Variants in TLE6 observed in about 807,000 individuals in gnomAD.
TLE6 encodes the protein transducin-like enhancer protein 6.
TLE6 carries 72 observed loss-of-function variants against 77.1 expected under a neutral mutation model. That is an observed-to-expected ratio of 0.93 (90% CI 0.77 to 1.14). The LOEUF (loss-of-function observed/expected upper bound fraction) is 1.14, where lower values mean the gene tolerates loss of function less well. Ranked by LOEUF, TLE6 falls within the 50% of genes most tolerant of loss-of-function variation. The pLI is 0.00. For missense variants in TLE6, 843 were observed against 747.6 expected (o/e 1.13, Z -1.49); for synonymous variants, 366 against 287.3 (o/e 1.27, Z -2.77).
intron 3 of TLE6, among the ~76,000 whole-genome samples, chr19:2,981,311 C>T (rs1007997570): frequency 3.4e-5 from 5 of 148,496 alleles, no homozygotes; most frequent in Non-Finnish European, 7.4e-5. Flanking sequence ...AGTGACACTG[C>T]ACTCCAGCCT....
intron 16 of TLE6, among the ~76,000 whole-genome samples, chr19:2,994,445 C>T (rs996910001): frequency 6.6e-6 from 1 of 151,944 alleles, no homozygotes; most frequent in African/African-American, 2.4e-5. Context: ...CCTGTCTCTA[C>T]TAAAAATACA....
chr19:2,982,943 G>A lies in TLE6; in HGVS notation c.222+754G>A, dbSNP rs146040958. ...GGGGCCATATGACATGGGAGTGAGG[G>A]GAGCTCTGCATGGGAGGGGGCGCCC... On this transcript the variant is annotated intron_variant, in intron 5 of 16. Coordinates refer to ENST00000246112, the MANE Select transcript of TLE6 (RefSeq NM_001143986.2). Among the ~76,000 whole-genome samples, 4 of 152,222 alleles carry A rather than the reference G, an allele frequency of 2.6e-5. No homozygotes were observed. The East Asian group carries it at 7.7e-4, about 29-fold the overall frequency.
intron 16 of TLE6, 75 bp from the exon 17 acceptor site, chr19:2,994,825 A>T: frequency 1.2e-6 from 1 of 813,200 alleles, no homozygotes; most frequent in Non-Finnish European, 2.0e-6. Flanking sequence ...ACGATGCTTC[A>T]TGCTTGAGCT....
intron 14 of TLE6, among the ~76,000 whole-genome samples, 170 bp downstream of exon 14, chr19:2,992,154 A>G (rs1248331579): frequency 6.6e-6 from 1 of 151,972 alleles, no homozygotes; most frequent in South Asian, 2.1e-4. Flanking sequence ...TGGCCAACAT[A>G]GTGAAACCCC....
At chr19:2,978,839 C>T (rs1013826907) in intron 2 of TLE6, among the ~76,000 whole-genome samples, 11 of 152,246 alleles carry the variant, frequency 7.2e-5, no homozygotes, top group Middle Eastern at 3.4e-3. Context: ...AAGCAATCCC[C>T]GCTCCCTGCA....
intron 13 of TLE6, among the ~76,000 whole-genome samples, chr19:2,990,684 AATATATAC>A (rs1323240976): frequency 2.9e-5 from 3 of 101,764 alleles, no homozygotes; most frequent in Non-Finnish European, 5.8e-5. Flanking sequence ...TATATACATA[AATATATAC>A]ATAAATATAT....
intron 14 of TLE6, among the ~76,000 whole-genome samples, chr19:2,992,969 A>T (rs2089112965): frequency 1.4e-5 from 2 of 141,906 alleles, no homozygotes; most frequent in African/African-American, 5.3e-5. Context: ...CGGGTGGATC[A>T]TTTGAGGTCA....
Position 2,993,551 on chromosome 19 carries a change from CG to C in TLE6, c.1507del (p.Val503SerfsTer3). ...GGCACATGGTGGGGCAAAAAGACAG[CG>C]TCATCCTGAGCGTCAAGTTCTCCCC... ...QRHMVGQKDS[V>X]ILSVKFSPFG... is the part of the protein sequence containing the mutation. On this transcript the variant is annotated frameshift_variant, in exon 15 of 17. Transcript: ENST00000246112. LOFTEE classifies it high-confidence loss of function. 1 of 1,582,786 alleles carries C rather than the reference CG, an allele frequency of 6.3e-7. No individual in the cohort carries two copies. The highest frequency in any genetic ancestry group is 8.6e-7 in the Non-Finnish European group (1 of 1,157,546).
At chr19:2,988,882 A>AG in intron 11 of TLE6, 179 bp from the exon 12 acceptor site, 1 of 909,774 alleles carries the variant, frequency 1.1e-6, no homozygotes, top group Non-Finnish European at 1.6e-6. Flanking sequence ...GCTGTGGCAA[A>AG]GGGACAATAC....
At chr19:2,988,195 C>T (rs1355055877) in intron 11 of TLE6, 67 bp downstream of exon 11, 2 of 1,486,518 alleles carry the variant, frequency 1.3e-6, no homozygotes, top group Non-Finnish European at 9.2e-7. Flanking sequence ...CTGTCTATAC[C>T]TCTGTTCCCG....
intron 16 of TLE6, among the ~76,000 whole-genome samples, chr19:2,994,336 T>C (rs8108594): frequency 0.68 from 103,818 of 151,962 alleles, 36,369 homozygotes; most frequent in East Asian, 0.97. Flanking sequence ...CTGAGCCGGG[T>C]GCGGTGGCTC....
chr19:2,993,693 C>T, intron 15 of TLE6, 111 bp downstream of exon 15: 3 of 1,388,546 alleles, frequency 2.2e-6, no homozygotes, highest in Non-Finnish European at 2.9e-6. Flanking sequence ...CAGAACCCTT[C>T]TGTAGCAGAA....
chr19:2,988,120 A>C lies in TLE6; in HGVS notation c.732A>C (p.Leu244=), dbSNP rs374057039. ...CTCCTGGAAGAGCCTCTCGGTTTCT[A>C]CAGTCCATGTAAGTGTCTGCACTGT... The part of the protein sequence containing the change: ...QEPPGRASRF[L]QSISWDPEDF... The change falls in exon 11 of 17, where the codon CTA becomes CTC. Residue 244 remains leucine (L), a synonymous_variant. Coordinates refer to ENST00000246112, the MANE Select transcript of TLE6 (RefSeq NM_001143986.2). 6.4e-7 allele frequency: 1 copy of C among 1,551,782 alleles called. No homozygotes were observed. The highest frequency in any genetic ancestry group is 1.4e-5 in the African/African-American group (1 of 73,154).
chr19:2,983,240 A>G (rs2088835653), intron 5 of TLE6, among the ~76,000 whole-genome samples: 1 of 152,184 alleles, frequency 6.6e-6, no homozygotes, highest in African/African-American at 2.4e-5. Flanking sequence ...CCTCCTTGCC[A>G]AATACTGTTG....
In TLE6 at chr19:2,993,025, C is replaced by CT. The variant is rs1478290601; in HGVS notation, c.1387-406dup. Among the ~76,000 whole-genome samples, 27 of 57,646 alleles carry CT rather than the reference C, an allele frequency of 4.7e-4. 1 individual carries two copies. In the East Asian group the frequency reaches 0.01, roughly 22 times the overall value. 37.8% of individuals were successfully genotyped at this position (57,646 alleles called of 152,430 possible). On this transcript the variant is annotated intron_variant, in intron 14 of 16. Transcript: ENST00000246112. ...CCAACATGGTGAAACCCCGTCTCTA[C>CT]TAAAAAAAAAAAAAAAAAAAAAAAA...
At chr19:2,985,406 T>TA (rs2088886269) in intron 5 of TLE6, among the ~76,000 whole-genome samples, 1 of 139,068 alleles carries the variant, frequency 7.2e-6, no homozygotes. Flanking sequence ...AGCCTTTTTT[T>TA]TTTTTTTTTT....
In TLE6 at chr19:2,985,918, A is replaced by G. The variant is rs371023732; in HGVS notation, c.223-911A>G. 2.0e-5 allele frequency among the ~76,000 whole-genome samples: 3 copies of G among 150,570 alleles called. No individual in the cohort carries two copies. In the South Asian group the frequency reaches 6.3e-4, roughly 32 times the overall value. On this transcript the variant is annotated intron_variant, in intron 5 of 16. Coordinates refer to ENST00000246112, the MANE Select transcript of TLE6 (RefSeq NM_001143986.2). ...TGGTGAAACCCTGTCTCCACCAAAA[A>G]TACAAAAATCAGTCTGTGTAGTGGC...
At position 2,991,948 on chromosome 19, in the gene TLE6, C is replaced by T. The variant is rs756487411; in HGVS notation, c.1350C>T (p.Thr450=). Residue 450 remains threonine (T), a synonymous_variant, in exon 14 of 17, where the codon ACC becomes ACT. Coordinates refer to ENST00000246112, the MANE Select transcript of TLE6 (RefSeq NM_001143986.2). ...GTCTGCGGTGCTGGGACCAGAGGACCATCATGAAACCTCTGGAGTACCAAT... is the reference window on the plus strand; with the variant it reads ...GTCTGCGGTGCTGGGACCAGAGGACTATCATGAAACCTCTGGAGTACCAAT... ...DACLRCWDQR[T]IMKPLEYQFK... The T allele has an allele frequency of 2.5e-6, 4 of 1,613,746 alleles. No homozygotes were observed. Among genetic ancestry groups the T allele is most frequent in the Admixed American group, 3.3e-5 (2 of 59,932 alleles).
chr19:2,983,645 G>A (rs973212923), intron 5 of TLE6, among the ~76,000 whole-genome samples: 9 of 151,958 alleles, frequency 5.9e-5, no homozygotes, highest in South Asian at 2.1e-4. Flanking sequence ...GGCAGGCCAC[G>A]CATGGCCCTG....
Sources: allele counts gnomAD v4.1 joint callset (sites outside exome capture counted in the v4.1 genomes callset), GRCh38; gene constraint gnomAD v4.1.1; transcripts MANE v1.5; gene names NCBI Gene and HGNC (gene_info 2026-07-23, HGNC 2026-07-21).